Variants in WIZ observed in about 807,000 individuals in gnomAD.
WIZ encodes WIZ zinc finger, also known as protein Wiz.
Under a neutral mutation model 140.2 loss-of-function variants are expected in WIZ, and 25 were observed. The observed-to-expected ratio is 0.18, with a 90% CI of 0.13 to 0.25. The LOEUF is 0.25. WIZ is among the 10% of genes least tolerant of loss of function. The pLI is 1.00. For synonymous variants in WIZ, 1,125 were observed against 1,154.3 expected, an observed-to-expected ratio of 0.97 and a Z score of 0.51; for missense variants, 2,231 against 2,632.6, an observed-to-expected ratio of 0.85 and a Z score of 3.34.
rs1424835402 is a variant in WIZ, at chr19:15,449,848, T to G, written c.-111A>C. ...TGCCGGGGCTCGGAGCTCCCCTCCT[T>G]GGTGCGGCCGTCGCTGCCGCTACCG... On this transcript the variant is annotated 5_prime_UTR_variant, in exon 1 of 13. Coordinates refer to ENST00000673675, the MANE Select transcript of WIZ (RefSeq NM_001371589.1). 6.7e-6 allele frequency: 1 copy of G among 148,658 alleles called. No homozygotes were observed. The allele number at this position is 148,658 out of a possible 1,614,324, so 9.2% of individuals were successfully genotyped here.
intron 5 of WIZ, chr19:15,433,414 G>C (rs1272355050): frequency 1.0e-6 from 1 of 954,040 alleles, no homozygotes; most frequent in Non-Finnish European, 1.2e-6. Flanking sequence ...GGCTTCTAAC[G>C]ACAGCCTTGC....
chr19:15,446,404 C>A (rs755410321), intron 2 of WIZ, among the ~76,000 whole-genome samples: 2 of 152,164 alleles, frequency 1.3e-5, no homozygotes, highest in Non-Finnish European at 2.9e-5. Context: ...GGCTGTGCGA[C>A]CTGGCACAAG....
In WIZ at chr19:15,429,974, G is replaced by A. The variant is rs1028734282; in HGVS notation, c.3027C>T (p.Ser1009=). The change falls in exon 7 of 13, where the codon AGC becomes AGT. Residue 1009 remains serine, a synonymous_variant. Transcript: ENST00000673675. ...CGTAGAGGAGGTCGATGGGTGCGCC[G>A]CTGCTTTCCGACTCTGCCACTCCCA... ...RQLGVAESES[S]GAPIDLLYEL... is the part of the protein sequence containing the mutation. 22 of 1,535,916 alleles carry A rather than the reference G, an allele frequency of 1.4e-5. No individual in the cohort carries two copies. Among genetic ancestry groups the A allele is most frequent in the Non-Finnish European group, 1.8e-5 (21 of 1,146,838 alleles).
Position 15,439,945 on chromosome 19 carries a change from G to T in WIZ, c.1049C>A (p.Ala350Asp). ...APGQEPPADLAPLACGECGWA... is the reference protein window; with the variant it reads ...APGQEPPADLDPLACGECGWA... ...GCCACACTCCCCGCAGGCCAGCGGGGCCAGGTCCGCAGGGGGCTCCTGGCC... is the reference window on the plus strand; with the variant it reads ...GCCACACTCCCCGCAGGCCAGCGGGTCCAGGTCCGCAGGGGGCTCCTGGCC... Residue 350 changes from alanine to aspartate, a missense_variant, in exon 4 of 13, where the codon GCC (alanine) becomes GAC (aspartate). Coordinates refer to ENST00000673675, the MANE Select transcript of WIZ (RefSeq NM_001371589.1). The surrounding 1 kb of genome is among the most constrained non-coding windows in gnomAD (Gnocchi z 7.0). 6.5e-7 allele frequency: 1 copy of T among 1,534,792 alleles called. No individual in the cohort carries two copies. Among genetic ancestry groups the T allele is most frequent in the Non-Finnish European group, 8.7e-7 (1 of 1,146,182 alleles).
chr19:15,429,511 T>C (rs1180569508), intron 7 of WIZ, 75 bp downstream of exon 7: 63 of 407,262 alleles, frequency 1.5e-4, no homozygotes, highest in Non-Finnish European at 2.4e-4. Context: ...GCCCTGTCCC[T>C]GGGCTACAGC....
At position 15,448,145 on chromosome 19, in the gene WIZ, C is replaced by G. The variant is rs1346626468; in HGVS notation, c.163G>C (p.Glu55Gln). Residue 55 changes from glutamate to glutamine, a missense_variant, in exon 2 of 13, where the codon GAG becomes CAG. Physicochemically the swap from Glu to Gln is conservative, Grantham distance 29. Coordinates refer to ENST00000673675, the MANE Select transcript of WIZ (RefSeq NM_001371589.1). Reference sequence around the variant, plus strand: ...CCATCCAGAATGTCTCGGGGGCCCTCCTTGGTGACAGGCAGGTAACGGGTG... The same window carrying G: ...CCATCCAGAATGTCTCGGGGGCCCTGCTTGGTGACAGGCAGGTAACGGGTG... ...RSTRYLPVTK[E>Q]GPRDILDGRG... 1 of 1,612,828 alleles carries G rather than the reference C, an allele frequency of 6.2e-7. No individual in the cohort carries two copies. Among genetic ancestry groups the G allele is most frequent in the East Asian group, 2.2e-5 (1 of 44,874 alleles).
chr19:15,439,265 C>G lies in WIZ; in HGVS notation c.1729G>C (p.Gly577Arg), dbSNP rs548949567. The change falls in exon 4 of 13, where the codon GGA becomes CGA. Residue 577 changes from glycine to arginine, a missense_variant. Coordinates refer to ENST00000673675, the MANE Select transcript of WIZ (RefSeq NM_001371589.1). This position sits in a 1 kb window ranked among gnomAD's most constrained non-coding sequence, Gnocchi z 7.0. ...AGTGTGGAGGGAAAGGCCAGCCTTC[C>G]GAGAGGCCTCTGGCCCGTGCCATGC... is the stretch of plus-strand genomic sequence containing the variant. ...LLHGTGQRPL[G>R]RLAFPSTLAS... The G allele has an allele frequency of 6.5e-7, 1 of 1,534,622 alleles. No individual in the cohort carries two copies. Among genetic ancestry groups the G allele is most frequent in the African/African-American group, 1.4e-5 (1 of 72,930 alleles).
Position 15,424,271 on chromosome 19 carries a change from G to C in WIZ, c.5422C>G (p.Arg1808Gly). 1.3e-6 allele frequency: 2 copies of C among 1,588,888 alleles called. No homozygotes were observed. Among genetic ancestry groups the C allele is most frequent in the Non-Finnish European group, 1.7e-6 (2 of 1,171,202 alleles). Residue 1808 changes from arginine to glycine, a missense_variant, in exon 12 of 13, where the codon CGA becomes GGA. Coordinates refer to ENST00000673675, the MANE Select transcript of WIZ (RefSeq NM_001371589.1). This position sits in a 1 kb window ranked among gnomAD's most constrained non-coding sequence, Gnocchi z 9.7. ...ACCAGGGAGGGGACTGGCCGGACTC[G>C]GGGTGGGGGTTGCCGCACCTCCTCC... is the stretch of plus-strand genomic sequence containing the variant. ...KLEEVRQPPPRVRPVPSLVPR... is the reference protein window; with the variant it reads ...KLEEVRQPPPGVRPVPSLVPR...
In WIZ at chr19:15,427,566, C is replaced by G. The variant is rs757072769; in HGVS notation, c.3815-33G>C. On this transcript the variant is annotated intron_variant, in intron 8 of 12. Transcript: ENST00000673675. This position sits in a 1 kb window ranked among gnomAD's most constrained non-coding sequence, Gnocchi z 6.4. ...AGGAGGAGAAAGGGGCAGTTAGCAT[C>G]GTGGAACTGCCAGCATGGTCACCTG... The G allele has an allele frequency of 9.5e-6, 15 of 1,575,796 alleles. No individual in the cohort carries two copies. The South Asian group carries it at 1.2e-4, about 12-fold the overall frequency.
rs1414421687 is a variant in WIZ at position 15,439,010 on chromosome 19, G to A, written c.1984C>T (p.Arg662Ter). The A allele has an allele frequency of 1.3e-6, 2 of 1,492,470 alleles. No homozygotes were observed. Among genetic ancestry groups the A allele is most frequent in the East Asian group, 2.5e-5 (1 of 40,564 alleles). The allele number at this position is 1,492,470 out of a possible 1,614,324, so 92.5% of individuals were successfully genotyped here. A position where few individuals can be genotyped will look rare whatever the true frequency, so the allele number is the denominator to read the frequency against. Residue 662 changes from arginine (R) to a stop codon, truncating the protein, a stop_gained, in exon 4 of 13, where the codon CGA (arginine) becomes TGA (stop). Coordinates refer to ENST00000673675, the MANE Select transcript of WIZ (RefSeq NM_001371589.1). LOFTEE classifies it high-confidence loss of function. This position sits in a 1 kb window ranked among gnomAD's most constrained non-coding sequence, Gnocchi z 7.0. ...QAALELKQAFREALQAVEATQ... is the reference protein window; with the variant it reads ...QAALELKQAF Reference sequence around the variant, plus strand: ...GCCTCTACTGCCTGCAGGGCCTCTCGGAATGCCTGCTTCAGCTCCAGGGCC... The same window carrying A: ...GCCTCTACTGCCTGCAGGGCCTCTCAGAATGCCTGCTTCAGCTCCAGGGCC...
intron 5 of WIZ, among the ~76,000 whole-genome samples, chr19:15,432,003 G>T (rs1006489489): frequency 6.6e-6 from 1 of 152,204 alleles, no homozygotes; most frequent in Non-Finnish European, 1.5e-5. Flanking sequence ...GGGATGTAAC[G>T]GGGCAGGGGG....
rs763906920 is a variant in WIZ at position 15,425,525 on chromosome 19, G to T, written c.4610C>A (p.Pro1537His). 2 of 1,611,540 alleles carry T rather than the reference G, an allele frequency of 1.2e-6. No individual in the cohort carries two copies. Among genetic ancestry groups the T allele is most frequent in the East Asian group, 2.2e-5 (1 of 44,766 alleles). The stretch of plus-strand genomic sequence containing the variant: ...CACGGGCCCAGGGGCCACGGTGGGA[G>T]GCCCGTCCTCAGCCAGGGCAGGGGC... ...DLAPALAEDG[P>H]PTVAPGPVQS... Residue 1537 changes from proline (P) to histidine (H), a missense_variant, in exon 10 of 13, where the codon CCT becomes CAT. This residue lies in a region of WIZ where 393 missense variants were observed against 451.7 expected (regional missense o/e 0.87). Transcript: ENST00000673675.
Position 15,432,184 on chromosome 19 carries a change from C to T in WIZ, c.2741-1002G>A, listed in dbSNP as rs1255350737. Among the ~76,000 whole-genome samples, 4 of 152,032 alleles carry T rather than the reference C, an allele frequency of 2.6e-5. No individual in the cohort carries two copies. The South Asian group carries it at 8.3e-4, about 32-fold the overall frequency. On this transcript the variant is annotated intron_variant, in intron 5 of 12. Coordinates refer to ENST00000673675, the MANE Select transcript of WIZ (RefSeq NM_001371589.1). ...GACGGACCGGAACCGTGGCAAGGGA[C>T]GCTCCCGGGGCTCCAAAGGGGGCAA... is the stretch of plus-strand genomic sequence containing the variant.
At chr19:15,423,320 T>A in intron 12 of WIZ, 85 bp from the exon 13 acceptor site, 1 of 1,506,312 alleles carries the variant, frequency 6.6e-7, no homozygotes, top group Non-Finnish European at 9.0e-7. Flanking sequence ...TGGGCACACC[T>A]GCTGCTACTC....
intron 5 of WIZ, among the ~76,000 whole-genome samples, chr19:15,435,939 A>G (rs1969500367): frequency 6.6e-6 from 1 of 152,118 alleles, no homozygotes; most frequent in East Asian, 1.9e-4. Context: ...CCTGGCCAAC[A>G]TGGTGAAAAC....
chr19:15,436,933 G>A lies in WIZ; in HGVS notation c.2613C>T (p.Pro871=). Reference sequence around the variant, plus strand: ...CCCCAGGCTCTCGGCCCAGGGGGCTGGGGGGCTGCTCAGCAGCAGAGGTGG... The same window carrying A: ...CCCCAGGCTCTCGGCCCAGGGGGCTAGGGGGCTGCTCAGCAGCAGAGGTGG... ...LLATSAAEQP[P]SPLGREPGGP... The change falls in exon 5 of 13, where the codon CCC becomes CCT. Residue 871 remains proline (P), a synonymous_variant. Coordinates refer to ENST00000673675, the MANE Select transcript of WIZ (RefSeq NM_001371589.1). 1.2e-6 allele frequency: 2 copies of A among 1,613,302 alleles called. No individual in the cohort carries two copies. Among genetic ancestry groups the A allele is most frequent in the Non-Finnish European group, 1.7e-6 (2 of 1,179,676 alleles).
At chr19:15,430,937 C>T in intron 6 of WIZ, 75 bp downstream of exon 6, 1 of 1,434,510 alleles carries the variant, frequency 7.0e-7, no homozygotes, top group Non-Finnish European at 9.1e-7. Context: ...CACATTAACC[C>T]CAAGGCACGA....
Position 15,442,757 on chromosome 19 carries a change from G to A in WIZ, c.206-9C>T. Reference sequence around the variant, plus strand: ...GGGATGGGGCTGCCCGTCTGCAACAGAGAGGGGAGACCCTGAGGGGCTGGG... The same window carrying A: ...GGGATGGGGCTGCCCGTCTGCAACAAAGAGGGGAGACCCTGAGGGGCTGGG... On this transcript the variant is annotated splice_polypyrimidine_tract_variant and intron_variant, in intron 2 of 12. Transcript: ENST00000673675. This position sits in a 1 kb window ranked among gnomAD's most constrained non-coding sequence, Gnocchi z 5.5. 1 of 1,231,828 alleles carries A rather than the reference G, an allele frequency of 8.1e-7. No individual in the cohort carries two copies. Among genetic ancestry groups the A allele is most frequent in the Non-Finnish European group, 1.0e-6 (1 of 987,778 alleles). The allele number at this position is 1,231,828 out of a possible 1,614,324, so 76.3% of individuals were successfully genotyped here.
chr19:15,425,792 G>T, intron 9 of WIZ, 24 bp from the exon 10 acceptor site: 1 of 1,327,734 alleles, frequency 7.5e-7, no homozygotes. Context: ...AGGGTAGGGG[G>T]AAGGAGGAGG....
Sources: gnomAD v4.1 joint callset for allele counts (sites outside exome capture counted in the v4.1 genomes callset) on GRCh38, gnomAD v4.1.1 for gene constraint, gnomAD v4.1.1 regional missense constraint, Gnocchi (gnomAD v3.1) non-coding constraint, MANE v1.5 for transcripts, NCBI Gene and HGNC (gene_info 2026-07-23, HGNC 2026-07-21) for gene names.